The following PCDHA3 variants were observed in gnomAD, a reference collection of about 807,000 sequenced individuals.
PCDHA3 encodes protocadherin alpha 3, also known as protocadherin alpha-3.
Under a neutral mutation model 62.2 loss-of-function variants are expected in PCDHA3, and 41 were observed. The observed-to-expected ratio is 0.66, with a 90% confidence interval of 0.51 to 0.86. PCDHA3 has a LOEUF of 0.86. PCDHA3 is among the 40% of genes least tolerant of loss of function. PCDHA3 has a pLI of 0.00. For missense variants in PCDHA3, 1,304 were observed against 1,241.2 expected (o/e 1.05, Z -0.76); for synonymous variants, 640 against 555.4 (o/e 1.15, Z -2.14).
rs782672395 is a variant in PCDHA3 at position 140,802,185 on chromosome 5, A to G, written c.988A>G (p.Met330Val). The G allele has an allele frequency of 5.6e-6, 9 of 1,614,116 alleles. No homozygotes were observed. Among genetic ancestry groups the G allele is most frequent in the African/African-American group, 2.7e-5 (2 of 74,952 alleles). Residue 330 changes from methionine (M) to valine (V), a missense_variant, in exon 1 of 4, where the codon ATG becomes GTG. Met to Val is a conservative substitution (Grantham distance 21, BLOSUM62 1). Coordinates refer to ENST00000522353, the MANE Select transcript of PCDHA3 (RefSeq NM_018906.3). Reference protein sequence around the residue: ...VEATDKGNPPMSDHCTVLLEI... With the variant: ...VEATDKGNPPVSDHCTVLLEI... ...AGCCACGGATAAAGGAAATCCCCCAATGTCAGATCACTGCACAGTTCTACT... is the reference window on the plus strand; with the variant it reads ...AGCCACGGATAAAGGAAATCCCCCAGTGTCAGATCACTGCACAGTTCTACT...
chr5:140,957,257 T>C (rs2095345219), intron 1 of PCDHA3, among the ~76,000 whole-genome samples: 1 of 152,184 alleles, frequency 6.6e-6, no homozygotes, highest in Admixed American at 6.5e-5. Context: ...AATTTAAATA[T>C]GTAAGCACTA....
At chr5:140,966,642 G>C (rs897727830) in intron 1 of PCDHA3, 15 of 1,117,790 alleles carry the variant, frequency 1.3e-5, no homozygotes, top group Non-Finnish European at 1.8e-5. Context: ...GCGCTTTCTA[G>C]AGCGTGAGCG....
At chr5:140,829,843 A>C in intron 1 of PCDHA3, 1 of 1,613,926 alleles carries the variant, frequency 6.2e-7, no homozygotes, top group Non-Finnish European at 8.5e-7. Flanking sequence ...TGCCGCGGTC[A>C]CTGGGTGCAG....
rs181817860 is a variant in PCDHA3 at position 140,866,905 on chromosome 5, C to T, written c.2394+63314C>T. The T allele has an allele frequency of 1.6e-4, 24 of 152,148 alleles. 1 individual carries two copies. The highest frequency in any genetic ancestry group is 1.4e-3 in the Admixed American group (22 of 15,284). 9.4% of individuals were successfully genotyped at this position (152,148 alleles called of 1,614,324 possible). ...CCTATACCCAGATATTAGGCTGATCCTCAAAGATGAGTTCAAAGGGCGCAT... is the reference window on the plus strand; with the variant it reads ...CCTATACCCAGATATTAGGCTGATCTTCAAAGATGAGTTCAAAGGGCGCAT... On this transcript the variant is annotated intron_variant, in intron 1 of 3. Transcript: ENST00000522353.
intron 1 of PCDHA3, chr5:140,836,684 A>T: frequency 6.2e-7 from 1 of 1,613,514 alleles, no homozygotes; most frequent in Non-Finnish European, 8.5e-7. Context: ...CACCCAAGAC[A>T]GACCTCATGG....
intron 1 of PCDHA3, chr5:140,968,416 G>A: frequency 1.2e-6 from 2 of 1,613,992 alleles, no homozygotes; most frequent in Non-Finnish European, 1.7e-6. Context: ...TGACTGTGGA[G>A]GCTCAGGACA....
intron 1 of PCDHA3, among the ~76,000 whole-genome samples, chr5:140,888,663 T>C (rs1278510364): frequency 6.6e-6 from 1 of 152,194 alleles, no homozygotes; most frequent in Non-Finnish European, 1.5e-5. Context: ...CACCACCTAA[T>C]GCCCTGTGCA....
At chr5:140,809,399 A>G in intron 1 of PCDHA3, 1 of 1,614,104 alleles carries the variant, frequency 6.2e-7, no homozygotes, top group South Asian at 1.1e-5. Context: ...GGGCAAGCCC[A>G]CGCTGGTGTG....
intron 1 of PCDHA3, chr5:140,928,140 G>C (rs200493520): frequency 2.5e-5 from 41 of 1,614,036 alleles, no homozygotes; most frequent in Non-Finnish European, 3.2e-5. Context: ...TCCTGATCAC[G>C]GCCTCAGATA....
At chr5:140,984,453 T>C (rs2097104309) in intron 3 of PCDHA3, among the ~76,000 whole-genome samples, 1 of 152,254 alleles carries the variant, frequency 6.6e-6, no homozygotes, top group South Asian at 2.1e-4. Flanking sequence ...CCTTTCTTAC[T>C]GTCCCAGCCC....
At position 140,980,488 on chromosome 5, in the gene PCDHA3, G is replaced by A. The variant is rs372283383; in HGVS notation, c.2453+1481G>A. Among the ~76,000 whole-genome samples, 12 of 152,250 alleles carry A rather than the reference G, an allele frequency of 7.9e-5. No individual in the cohort carries two copies. The East Asian group carries it at 1.9e-3, about 25-fold the overall frequency. Reference sequence around the variant, plus strand: ...CTACTAAAAATACAAAAATTAGCTGGGCGTGATGGCATGTGCCTGTAGTTC... The same window carrying A: ...CTACTAAAAATACAAAAATTAGCTGAGCGTGATGGCATGTGCCTGTAGTTC... On this transcript the variant is annotated intron_variant, in intron 2 of 3. Transcript: ENST00000522353.
At chr5:140,985,459 C>A (rs1587084925) in intron 3 of PCDHA3, among the ~76,000 whole-genome samples, 1 of 152,236 alleles carries the variant, frequency 6.6e-6, no homozygotes, top group East Asian at 1.9e-4. Flanking sequence ...GGGAAATGCT[C>A]CAAAAAATTT....
chr5:140,850,518 G>A, intron 1 of PCDHA3: 1 of 1,598,310 alleles, frequency 6.3e-7, no homozygotes, highest in South Asian at 1.1e-5. Flanking sequence ...GAGCGGCCAG[G>A]CGCCAAAGTC....
intron 1 of PCDHA3, chr5:140,966,228 A>G: frequency 3.6e-6 from 1 of 275,386 alleles, no homozygotes; most frequent in Admixed American, 5.3e-5. Context: ...AATCTCCTTA[A>G]AGACCCGTTA....
At chr5:140,808,268 G>C in intron 1 of PCDHA3, 1 of 1,614,250 alleles carries the variant, frequency 6.2e-7, no homozygotes, top group Non-Finnish European at 8.5e-7. Flanking sequence ...TCCAATTAGA[G>C]AGGACGCTCC....
chr5:140,821,740 A>C (rs1767041750), intron 1 of PCDHA3: 1 of 1,551,082 alleles, frequency 6.4e-7, no homozygotes, highest in Non-Finnish European at 8.7e-7. Flanking sequence ...TTGTGTGGTG[A>C]TGCAATAGAA....
At chr5:140,860,563 A>G (rs1332482786) in intron 1 of PCDHA3, 4 of 152,330 alleles carry the variant, frequency 2.6e-5, no homozygotes, top group Admixed American at 1.3e-4. Flanking sequence ...AGAGGTACTG[A>G]TCATACACAA....
intron 1 of PCDHA3, chr5:140,966,557 G>T: frequency 2.1e-6 from 1 of 477,538 alleles, no homozygotes; most frequent in Non-Finnish European, 3.5e-6. Context: ...GAGCGGAGGA[G>T]CTGGAATATG....
chr5:140,916,022 A>G (rs982398362), intron 1 of PCDHA3, among the ~76,000 whole-genome samples: 1 of 151,978 alleles, frequency 6.6e-6, no homozygotes, highest in Non-Finnish European at 1.5e-5. Context: ...AGTCTTTCCC[A>G]TTCTTCCCTC....
Sources: gnomAD v4.1 joint callset for allele counts (sites outside exome capture counted in the v4.1 genomes callset) on GRCh38, gnomAD v4.1.1 for gene constraint, MANE v1.5 for transcripts, NCBI Gene and HGNC (gene_info 2026-07-23, HGNC 2026-07-21) for gene names.